The following DCAF1 variants were observed in gnomAD, a reference collection of about 807,000 sequenced individuals.
The protein encoded by DCAF1 is DDB1 and CUL4 associated factor 1.
DCAF1 carries 15 observed loss-of-function variants against 128.0 expected under a neutral mutation model. The observed-to-expected ratio is 0.12, with a 90% confidence interval of 0.08 to 0.18. The LOEUF is 0.18. DCAF1 is among the 10% of genes least tolerant of loss of function. The probability of loss-of-function intolerance (pLI) is 1.00; values close to 1 mark genes in which losing one functional copy is unlikely to be tolerated. For synonymous variants in DCAF1, 610 were observed against 603.0 expected, an observed-to-expected ratio of 1.01 and a Z score of -0.17; for missense variants, 988 against 1,649.5, an observed-to-expected ratio of 0.60 and a Z score of 6.95.
At chr3:51,444,942 T>C (rs1210510196) in intron 6 of DCAF1, among the ~76,000 whole-genome samples, 3 of 152,214 alleles carry the variant, frequency 2.0e-5, no homozygotes, top group Admixed American at 1.3e-4. Context: ...CCCAAAGTGC[T>C]GGGATTACAG....
chr3:51,438,357 C>G (rs781920770), intron 9 of DCAF1, among the ~76,000 whole-genome samples: 11 of 152,142 alleles, frequency 7.2e-5, no homozygotes, highest in Admixed American at 5.9e-4. Flanking sequence ...AAGATGTTCA[C>G]TGTAACGTCC....
At chr3:51,473,898 C>T (rs201032890) in intron 3 of DCAF1, among the ~76,000 whole-genome samples, 3 of 151,816 alleles carry the variant, frequency 2.0e-5, no homozygotes, top group East Asian at 1.9e-4. Flanking sequence ...CTGCCTCCCA[C>T]GTTCAGGCGA....
At chr3:51,453,931 G>C (rs1228423635) in intron 6 of DCAF1, among the ~76,000 whole-genome samples, 1 of 150,022 alleles carries the variant, frequency 6.7e-6, no homozygotes. Flanking sequence ...CAGCCTGCAC[G>C]ACAGAGCGAG....
chr3:51,395,988 A>G, downstream of DCAF1: 1 of 413,366 alleles, frequency 2.4e-6, no homozygotes, highest in Non-Finnish European at 4.4e-6. Flanking sequence ...ATTCCAGGGT[A>G]GCTGGTACCG....
intron 6 of DCAF1, among the ~76,000 whole-genome samples, chr3:51,456,596 A>G (rs1283965086): frequency 6.6e-6 from 1 of 152,214 alleles, no homozygotes; most frequent in Non-Finnish European, 1.5e-5. Context: ...TTGAGATCTG[A>G]GAACAGGCGG....
intron 3 of DCAF1, among the ~76,000 whole-genome samples, chr3:51,483,028 A>G (rs1381525206): frequency 1.3e-5 from 2 of 150,422 alleles, no homozygotes; most frequent in African/African-American, 4.9e-5. Context: ...AATCCCAGCT[A>G]CTCAGGAGGC....
chr3:51,463,706 C>A (rs1014892303), intron 5 of DCAF1, among the ~76,000 whole-genome samples: 2 of 151,972 alleles, frequency 1.3e-5, no homozygotes, highest in Admixed American at 6.6e-5. Context: ...TGCCCAGAGC[C>A]CAGGATGTCA....
Position 51,430,060 on chromosome 3 carries a change from A to G in DCAF1, c.1440T>C (p.Tyr480=). Residue 480 remains tyrosine, a synonymous_variant, in exon 11 of 25, where the codon TAT becomes TAC. Coordinates refer to ENST00000684031, the MANE Select transcript of DCAF1 (RefSeq NM_001387579.1). ...AGTTCACCAGACGACGAAGACCATC[A>G]TAGCGGTCAAAGAGCTCCAAGACGG... ...FRAVLELFDR[Y]DGLRRLVNLI... 1.3e-6 allele frequency: 1 copy of G among 780,792 alleles called. No individual in the cohort carries two copies. Among genetic ancestry groups the G allele is most frequent in the Non-Finnish European group, 2.4e-6 (1 of 417,946 alleles). 48.4% of individuals were successfully genotyped at this position (780,792 alleles called of 1,614,324 possible).
intron 2 of DCAF1, among the ~76,000 whole-genome samples, chr3:51,485,266 C>T (rs1706797840): frequency 6.6e-6 from 1 of 152,186 alleles, no homozygotes; most frequent in South Asian, 2.1e-4. Context: ...CTACTGCCAG[C>T]ATGAAAGTGG....
At chr3:51,423,744 T>C (rs571682031) in intron 13 of DCAF1, among the ~76,000 whole-genome samples, 1 of 148,324 alleles carries the variant, frequency 6.7e-6, no homozygotes, top group Non-Finnish European at 1.5e-5. Context: ...TGCTTGAATC[T>C]GGGAGGCAGA....
At chr3:51,504,185 C>T (rs782457476), upstream of DCAF1, among the ~76,000 whole-genome samples, 2 of 151,822 alleles carry the variant, frequency 1.3e-5, no homozygotes, top group South Asian at 2.1e-4. Flanking sequence ...TACAGGCGCC[C>T]GCCACCACGC....
At chr3:51,430,727 A>G (rs1422826166) in intron 10 of DCAF1, among the ~76,000 whole-genome samples, 2 of 152,210 alleles carry the variant, frequency 1.3e-5, no homozygotes, top group African/African-American at 4.8e-5. Flanking sequence ...TTTTGTATGT[A>G]CACACATAGA....
intron 2 of DCAF1, among the ~76,000 whole-genome samples, chr3:51,492,176 T>C (rs1364466063): frequency 1.3e-5 from 2 of 148,604 alleles, no homozygotes; most frequent in Non-Finnish European, 3.0e-5. Flanking sequence ...AAAAAAGTAG[T>C]GAGACAATTG....
chr3:51,418,648 A>G, intron 16 of DCAF1, 30 bp downstream of exon 16: 1 of 1,583,174 alleles, frequency 6.3e-7, no homozygotes, highest in South Asian at 1.1e-5. Flanking sequence ...TGGAAGAATG[A>G]CTGAGAGCAT....
At chr3:51,492,465 G>C (rs1228164100) in intron 2 of DCAF1, among the ~76,000 whole-genome samples, 2 of 151,924 alleles carry the variant, frequency 1.3e-5, no homozygotes, top group Non-Finnish European at 2.9e-5. Context: ...GCAGTCAGCC[G>C]AGATTACCCC....
chr3:51,482,059 A>T (rs576890748), intron 3 of DCAF1, among the ~76,000 whole-genome samples: 14 of 152,264 alleles, frequency 9.2e-5, no homozygotes, highest in East Asian at 1.9e-4. Context: ...GGTAGGGAAT[A>T]AAAAAAGCAT....
chr3:51,418,917 A>T, intron 15 of DCAF1, 41 bp from the exon 16 acceptor site: 2 of 1,537,734 alleles, frequency 1.3e-6, no homozygotes, highest in Non-Finnish European at 1.8e-6. Flanking sequence ...AAGAATGTGC[A>T]GGGACTCAGA....
rs782281338 is a variant in DCAF1 at position 51,418,160 on chromosome 3, C to G, written c.3474G>C (p.Gln1158His). 1.2e-6 allele frequency: 2 copies of G among 1,612,784 alleles called. No individual in the cohort carries two copies. Among genetic ancestry groups the G allele is most frequent in the Non-Finnish European group, 1.7e-6 (2 of 1,179,448 alleles). Reference sequence around the variant, plus strand: ...TCATTCCCCAAAGTGCAGACAAAGGCTGGCTCCAAGTAGCAGATGTCAGCA... The same window carrying G: ...TCATTCCCCAAAGTGCAGACAAAGGGTGGCTCCAAGTAGCAGATGTCAGCA... ...SLLLTSATWS[Q>H]PLSALWGMKS... The change falls in exon 17 of 25, where the codon CAG (glutamine) becomes CAC (histidine). Residue 1158 changes from glutamine to histidine, a missense_variant. Physicochemically the swap from Gln to His is conservative, Grantham distance 24. Transcript: ENST00000684031.
intron 5 of DCAF1, among the ~76,000 whole-genome samples, chr3:51,465,485 C>T (rs191060619): frequency 6.6e-6 from 1 of 151,664 alleles, no homozygotes; most frequent in Admixed American, 6.6e-5. Context: ...GGCTCATGCC[C>T]GTAAACCCAG....
Sources: allele counts gnomAD v4.1 joint callset (sites outside exome capture counted in the v4.1 genomes callset), GRCh38; gene constraint gnomAD v4.1.1; transcripts MANE v1.5; gene names NCBI Gene and HGNC (gene_info 2026-07-23, HGNC 2026-07-21).